FNDC3A: variants seen among roughly 807,000 people sequenced by gnomAD.
FNDC3A encodes fibronectin type-III domain-containing protein 3A.
A neutral mutation model predicts 148.9 loss-of-function variants in FNDC3A; 32 were observed. The ratio of observed to expected loss-of-function variants is 0.21; its 90% CI spans 0.16 to 0.29. FNDC3A has a LOEUF of 0.29. Ranked by LOEUF, FNDC3A falls within the 10% of genes least tolerant of loss-of-function variation. The probability of loss-of-function intolerance (pLI) is 1.00; values close to 1 mark genes in which losing one functional copy is unlikely to be tolerated. For synonymous variants in FNDC3A, 472 were observed against 473.6 expected (o/e 1.00, Z 0.04); for missense variants, 1,191 against 1,452.8 (o/e 0.82, Z 2.93).
chr13:49,075,280 A>G lies in FNDC3A; in HGVS notation c.100-9A>G, dbSNP rs1878019590. On this transcript the variant is annotated splice_polypyrimidine_tract_variant and intron_variant, in intron 2 of 25. Coordinates refer to ENST00000492622, the MANE Select transcript of FNDC3A (RefSeq NM_001079673.2). ...GTTTTGATTAATACTTCTTCCCCTC[A>G]TTTTTAAGGTTATTCTGGTACAAGT... is the stretch of plus-strand genomic sequence containing the variant. 1 of 1,552,260 alleles carries G rather than the reference A, an allele frequency of 6.4e-7. No homozygotes were observed. Among genetic ancestry groups the G allele is most frequent in the African/African-American group, 1.4e-5 (1 of 73,028 alleles).
At chr13:49,052,202 G>T (rs913661809) in intron 2 of FNDC3A, among the ~76,000 whole-genome samples, 3 of 152,004 alleles carry the variant, frequency 2.0e-5, no homozygotes, top group Non-Finnish European at 4.4e-5. Context: ...TTTTGTCTTG[G>T]TTTGCATCCA....
chr13:49,145,211 A>G (rs1233181619), intron 7 of FNDC3A, among the ~76,000 whole-genome samples: 1 of 152,190 alleles, frequency 6.6e-6, no homozygotes, highest in Non-Finnish European at 1.5e-5. Flanking sequence ...TTGAACTTAC[A>G]TATACTGTTA....
chr13:49,205,583 A>G (rs1886609602), intron 25 of FNDC3A, among the ~76,000 whole-genome samples: 1 of 152,172 alleles, frequency 6.6e-6, no homozygotes, highest in African/African-American at 2.4e-5. Flanking sequence ...CAACTAGTAA[A>G]TATGCAACTA....
intron 1 of FNDC3A, among the ~76,000 whole-genome samples, chr13:48,978,512 CG>C (rs746522781): frequency 2.6e-4 from 39 of 151,898 alleles, no homozygotes; most frequent in Admixed American, 7.2e-4. Context: ...TAACCAAAAA[CG>C]TTTTTTTTTT....
intron 2 of FNDC3A, among the ~76,000 whole-genome samples, chr13:49,032,342 A>G (rs1044632295): frequency 6.6e-6 from 1 of 152,238 alleles, no homozygotes; most frequent in South Asian, 2.1e-4. Flanking sequence ...GAACAGCATT[A>G]TTTATATTAG....
chr13:49,100,704 A>G (rs1879805679), intron 3 of FNDC3A, among the ~76,000 whole-genome samples: 1 of 152,112 alleles, frequency 6.6e-6, no homozygotes, highest in South Asian at 2.1e-4. Context: ...ACTTGGCCTA[A>G]TGAAAAGCTG....
chr13:49,183,128 A>G (rs1269147724), intron 14 of FNDC3A, among the ~76,000 whole-genome samples: 1 of 152,066 alleles, frequency 6.6e-6, no homozygotes, highest in Admixed American at 6.5e-5. Flanking sequence ...CAGCTACCTC[A>G]CCAGATTAAC....
intron 4 of FNDC3A, among the ~76,000 whole-genome samples, chr13:49,129,171 G>C (rs1881880823): frequency 6.6e-6 from 1 of 152,138 alleles, no homozygotes; most frequent in Non-Finnish European, 1.5e-5. Flanking sequence ...GAGTGGAGAA[G>C]GTAAAGTTAG....
chr13:49,150,401 T>G (rs573830341), intron 8 of FNDC3A, among the ~76,000 whole-genome samples: 3 of 152,340 alleles, frequency 2.0e-5, no homozygotes, highest in African/African-American at 7.2e-5. Context: ...AGACATTTAT[T>G]GCTATAAACT....
chr13:49,017,290 A>G (rs1440241159), intron 2 of FNDC3A, among the ~76,000 whole-genome samples: 1 of 152,154 alleles, frequency 6.6e-6, no homozygotes, highest in Non-Finnish European at 1.5e-5. Flanking sequence ...GTGCTCCTGT[A>G]TTGAGTGCAC....
intron 2 of FNDC3A, among the ~76,000 whole-genome samples, chr13:49,059,108 A>G (rs991198753): frequency 1.4e-4 from 21 of 152,228 alleles, no homozygotes; most frequent in African/African-American, 4.8e-4. Context: ...AGATGATTCC[A>G]TGGGAAAAGA....
intron 1 of FNDC3A, among the ~76,000 whole-genome samples, chr13:49,001,026 G>T (rs561618538): frequency 6.6e-6 from 1 of 151,998 alleles, no homozygotes; most frequent in Non-Finnish European, 1.5e-5. Flanking sequence ...TATTGTCTGT[G>T]AACAGAGGTA....
intron 1 of FNDC3A, among the ~76,000 whole-genome samples, chr13:48,983,337 T>C (rs1951729470): frequency 6.6e-6 from 1 of 152,216 alleles, no homozygotes; most frequent in African/African-American, 2.4e-5. Context: ...TTTTTACTTG[T>C]CTAAATCAGC....
Position 49,188,556 on chromosome 13 carries a change from C to T in FNDC3A, c.1867C>T (p.His623Tyr). Residue 623 changes from histidine (H) to tyrosine (Y), a missense_variant, in exon 17 of 26, where the codon CAT becomes TAT. Physicochemically the swap from His to Tyr is moderately conservative, Grantham distance 83. Around this residue, in one of 3 missense-constraint regions of FNDC3A, gnomAD observed 751 missense variants for 944.0 expected, o/e 0.80. Coordinates refer to ENST00000492622, the MANE Select transcript of FNDC3A (RefSeq NM_001079673.2). ...GATATACAGTGGTGCTACCAGGGAA[C>T]ATCTTTGTGATCGACTGAATCCAGG... Reference protein sequence around the residue: ...EMIYSGATREHLCDRLNPGCF... With the variant: ...EMIYSGATREYLCDRLNPGCF... 1.2e-6 allele frequency: 2 copies of T among 1,613,944 alleles called. No individual in the cohort carries two copies. Among genetic ancestry groups the T allele is most frequent in the Non-Finnish European group, 1.7e-6 (2 of 1,179,814 alleles).
At chr13:48,991,304 A>G (rs1951911261) in intron 1 of FNDC3A, among the ~76,000 whole-genome samples, 1 of 152,240 alleles carries the variant, frequency 6.6e-6, no homozygotes, top group African/African-American at 2.4e-5. Flanking sequence ...AGGTTACAGA[A>G]CAAAGAATTC....
chr13:48,980,951 T>C (rs929910374), intron 1 of FNDC3A, among the ~76,000 whole-genome samples: 1 of 152,196 alleles, frequency 6.6e-6, no homozygotes, highest in African/African-American at 2.4e-5. Context: ...TCTTTCTTCC[T>C]GTTAAAAACA....
rs185333845 is a variant in FNDC3A at position 49,122,385 on chromosome 13, C to A, written c.252+7654C>A. On this transcript the variant is annotated intron_variant, in intron 4 of 25. Coordinates refer to ENST00000492622, the MANE Select transcript of FNDC3A (RefSeq NM_001079673.2). ...GAGCTGTTTATAACAAACCCACAGC[C>A]AATATCATACTGAATGGGCAAAAGC... 7.9e-5 allele frequency among the ~76,000 whole-genome samples: 12 copies of A among 152,196 alleles called. No homozygotes were observed. The East Asian group carries it at 2.3e-3, about 29-fold the overall frequency.
chr13:49,088,252 G>T (rs1878945915), intron 3 of FNDC3A, among the ~76,000 whole-genome samples: 1 of 152,154 alleles, frequency 6.6e-6, no homozygotes, highest in African/African-American at 2.4e-5. Flanking sequence ...CCAGTAGATA[G>T]TTACATACAA....
chr13:49,139,813 C>A (rs1205085119), intron 7 of FNDC3A, among the ~76,000 whole-genome samples: 1 of 152,108 alleles, frequency 6.6e-6, no homozygotes, highest in Non-Finnish European at 1.5e-5. Flanking sequence ...CTGTGACAAC[C>A]ATATATGTAC....
Sources: allele counts gnomAD v4.1 joint callset (sites outside exome capture counted in the v4.1 genomes callset), GRCh38; gene constraint gnomAD v4.1.1; regional missense constraint gnomAD v4.1.1; transcripts MANE v1.5; gene names NCBI Gene and HGNC (gene_info 2026-07-23, HGNC 2026-07-21).